MAGI2: variants seen among roughly 807,000 people sequenced by gnomAD.
MAGI2 encodes membrane associated guanylate kinase, WW and PDZ domain containing 2.
A neutral mutation model predicts 133.3 loss-of-function variants in MAGI2; 35 were observed. The ratio of observed to expected loss-of-function variants is 0.26; its 90% CI spans 0.20 to 0.35. The LOEUF is 0.35. Among genes scored for constraint, MAGI2 ranks in the 10% least tolerant of loss-of-function variants. The pLI is 1.00. For missense variants in MAGI2, 1,636 were observed against 1,863.4 expected, an observed-to-expected ratio of 0.88 and a Z score of 2.25; for synonymous variants, 729 against 710.6, an observed-to-expected ratio of 1.03 and a Z score of -0.41.
intron 9 of MAGI2, among the ~76,000 whole-genome samples, chr7:78,289,868 G>C (rs1445407881): frequency 6.6e-6 from 1 of 152,120 alleles, no homozygotes; most frequent in Non-Finnish European, 1.5e-5. Flanking sequence ...ATAAGTGAAT[G>C]AGAAATAAGA....
intron 2 of MAGI2, among the ~76,000 whole-genome samples, chr7:78,913,732 T>C (rs1037569096): frequency 1.3e-5 from 2 of 152,350 alleles, no homozygotes; most frequent in African/African-American, 4.8e-5. Context: ...TAGCACTTAA[T>C]TAGCAGTAAT....
chr7:79,279,477 C>T (rs1221973623), intron 1 of MAGI2, among the ~76,000 whole-genome samples: 1 of 152,118 alleles, frequency 6.6e-6, no homozygotes, highest in Non-Finnish European at 1.5e-5. Flanking sequence ...CAAACCAAGC[C>T]ACCCTTCCTC....
rs1414699461 is a variant in MAGI2, at chr7:78,588,618, T to C, written c.538+38502A>G. 5.9e-5 allele frequency among the ~76,000 whole-genome samples: 9 copies of C among 152,300 alleles called. No individual in the cohort carries two copies. In the East Asian group the frequency reaches 1.7e-3, roughly 29 times the overall value. ...TGGTGCAGATGACTGGCTGAGCTCCTATCAGAGCCTCTTACTTCCAGCTTC... is the reference window on the plus strand; with the variant it reads ...TGGTGCAGATGACTGGCTGAGCTCCCATCAGAGCCTCTTACTTCCAGCTTC... On this transcript the variant is annotated intron_variant, in intron 3 of 21. Coordinates refer to ENST00000354212, the MANE Select transcript of MAGI2 (RefSeq NM_012301.4).
chr7:78,281,174 A>C (rs1795533538), intron 9 of MAGI2, among the ~76,000 whole-genome samples: 1 of 152,004 alleles, frequency 6.6e-6, no homozygotes, highest in Admixed American at 6.6e-5. Flanking sequence ...AGCACTTATA[A>C]TCTATACATT....
intron 10 of MAGI2, among the ~76,000 whole-genome samples, chr7:78,204,440 C>T (rs1829545831): frequency 6.6e-6 from 1 of 152,128 alleles, no homozygotes; most frequent in African/African-American, 2.4e-5. Flanking sequence ...AAAACCTTTT[C>T]TTCAGCCTTT....
intron 1 of MAGI2, among the ~76,000 whole-genome samples, chr7:79,336,546 G>A (rs752471886): frequency 2.0e-5 from 3 of 152,060 alleles, no homozygotes; most frequent in East Asian, 1.9e-4. Context: ...TATAATGTAC[G>A]TATTGATAAA....
chr7:78,438,287 C>G (rs985280161), intron 6 of MAGI2, among the ~76,000 whole-genome samples: 2 of 145,126 alleles, frequency 1.4e-5, no homozygotes, highest in African/African-American at 5.1e-5. Flanking sequence ...AAAAAAAAAT[C>G]CTGAGCCCAT....
intron 9 of MAGI2, among the ~76,000 whole-genome samples, chr7:78,299,179 A>AAAAT (rs1797609943): frequency 6.6e-6 from 1 of 152,206 alleles, no homozygotes; most frequent in Admixed American, 6.5e-5. Context: ...AGGTCAAAGT[A>AAAAT]AAATAACGTA....
chr7:78,195,836 G>A (rs1357593382), intron 11 of MAGI2, among the ~76,000 whole-genome samples: 3 of 152,206 alleles, frequency 2.0e-5, no homozygotes. Flanking sequence ...CAGACTCCCT[G>A]AGACCACCTA....
chr7:78,372,088 GTA>G (rs777686903), intron 6 of MAGI2, among the ~76,000 whole-genome samples: 6 of 152,048 alleles, frequency 3.9e-5, no homozygotes, highest in Non-Finnish European at 5.9e-5. Context: ...ATATGCATGT[GTA>G]CCTGTGTGTA....
chr7:78,022,605 T>G (rs1354740811), intron 21 of MAGI2, among the ~76,000 whole-genome samples: 1 of 152,212 alleles, frequency 6.6e-6, no homozygotes, highest in African/African-American at 2.4e-5. Flanking sequence ...GCAAGAACAG[T>G]GGCCACTGCC....
chr7:78,033,813 T>C (rs1809871987), intron 21 of MAGI2, among the ~76,000 whole-genome samples: 1 of 151,726 alleles, frequency 6.6e-6, no homozygotes, highest in Non-Finnish European at 1.5e-5. Context: ...GAGGGGTGCA[T>C]GGGATGGTGG....
At chr7:79,171,683 T>C (rs1241721365) in intron 1 of MAGI2, among the ~76,000 whole-genome samples, 3 of 143,082 alleles carry the variant, frequency 2.1e-5, no homozygotes, top group Non-Finnish European at 4.6e-5. Flanking sequence ...AAATAGATAG[T>C]AAGTAATTCA....
At chr7:78,357,943 AT>A in intron 7 of MAGI2, among the ~76,000 whole-genome samples, 1 of 151,570 alleles carries the variant, frequency 6.6e-6, no homozygotes, top group Non-Finnish European at 1.5e-5. Context: ...CTAATTAAAT[AT>A]GAAATCATCT....
intron 2 of MAGI2, among the ~76,000 whole-genome samples, chr7:78,655,913 G>A (rs1288803055): frequency 1.3e-5 from 2 of 149,952 alleles, no homozygotes; most frequent in African/African-American, 4.9e-5. Flanking sequence ...CCCGGGAGGC[G>A]GAGCTTGCAG....
Position 79,293,909 on chromosome 7 carries a change from G to A in MAGI2, c.301+159111C>T, listed in dbSNP as rs535114322. On this transcript the variant is annotated intron_variant, in intron 1 of 21. Transcript: ENST00000354212. ...TACAAAAGTTGTAAAGAGGCTGGGC[G>A]TGGTGGCTCTTGCCTGTAATCCCAG... is the stretch of plus-strand genomic sequence containing the variant. 1.1e-4 allele frequency among the ~76,000 whole-genome samples: 17 copies of A among 152,324 alleles called. No homozygotes were observed. The South Asian group carries it at 1.9e-3, about 17-fold the overall frequency.
At chr7:78,215,195 G>T (rs534165044) in intron 10 of MAGI2, among the ~76,000 whole-genome samples, 8 of 152,326 alleles carry the variant, frequency 5.3e-5, no homozygotes, top group Admixed American at 3.9e-4. Flanking sequence ...ATAGATTATT[G>T]TGTTGAGCAG....
intron 2 of MAGI2, among the ~76,000 whole-genome samples, chr7:78,679,758 G>A (rs1187286921): frequency 6.6e-6 from 1 of 152,090 alleles, no homozygotes; most frequent in East Asian, 1.9e-4. Context: ...CATCTAGGAG[G>A]CAATACCAAT....
chr7:78,617,005 G>A (rs1186685205), intron 3 of MAGI2: 2 of 152,040 alleles, frequency 1.3e-5, no homozygotes, highest in Non-Finnish European at 2.9e-5. Context: ...CAGAATAAAT[G>A]GTCAATTATA....
Sources: allele counts gnomAD v4.1 joint callset (sites outside exome capture counted in the v4.1 genomes callset), GRCh38; gene constraint gnomAD v4.1.1; transcripts MANE v1.5; gene names NCBI Gene and HGNC (gene_info 2026-07-23, HGNC 2026-07-21).